The following PRKDC variants were observed in gnomAD, a reference collection of about 807,000 sequenced individuals.
PRKDC encodes the protein protein kinase, DNA-activated, catalytic subunit.
In PRKDC, 82 loss-of-function variants were observed where a neutral mutation model predicts 486.9. That is an observed-to-expected ratio of 0.17 (90% CI 0.14 to 0.20). The LOEUF (loss-of-function observed/expected upper bound fraction) is 0.20. Among genes scored for constraint, PRKDC ranks in the 10% least tolerant of loss-of-function variants. PRKDC has a pLI of 1.00. For missense variants in PRKDC, 4,504 were observed against 5,038.2 expected (o/e 0.89, Z 3.21); for synonymous variants, 1,895 against 1,837.0 (o/e 1.03, Z -0.81).
rs974259057 is a variant in PRKDC, at chr8:47,807,236, G to C, written c.9648C>G (p.Asp3216Glu). 1.2e-6 allele frequency: 2 copies of C among 1,613,588 alleles called. No individual in the cohort carries two copies. Among genetic ancestry groups the C allele is most frequent in the Non-Finnish European group, 1.7e-6 (2 of 1,179,798 alleles). ...CTTCCTGCTCTTGCACTTCCATCCT[G>C]TCACTGGGGTCTCCATCTTGATCCA... ...MNVDQDGDPS[D>E]RMEVQEQEED... is the part of the protein sequence containing the mutation. The change falls in exon 69 of 86, where the codon GAC (aspartate) becomes GAG (glutamate). Residue 3216 changes from aspartate (D) to glutamate (E), a missense_variant. Asp to Glu is a conservative substitution (Grantham distance 45). Around this residue, in one of 6 missense-constraint regions of PRKDC, gnomAD observed 1,592 missense variants for 1,724.6 expected, o/e 0.92. Transcript: ENST00000314191.
At chr8:47,896,618 G>A (rs537654027) in intron 30 of PRKDC, among the ~76,000 whole-genome samples, 1 of 148,220 alleles carries the variant, frequency 6.7e-6, no homozygotes, top group East Asian at 2.0e-4. Context: ...CTGCAGTCCA[G>A]CCTGGGCAAA....
intron 74 of PRKDC, among the ~76,000 whole-genome samples, chr8:47,792,837 C>T (rs906016256): frequency 2.6e-5 from 4 of 152,114 alleles, no homozygotes; most frequent in Non-Finnish European, 5.9e-5. Context: ...ACGTATATAA[C>T]GCGATATATA....
chr8:47,958,423 C>CA (rs2090747384), intron 1 of PRKDC, among the ~76,000 whole-genome samples: 1 of 152,178 alleles, frequency 6.6e-6, no homozygotes, highest in Non-Finnish European at 1.5e-5. Flanking sequence ...ATCCCCCTTA[C>CA]AGTGGGAACT....
chr8:47,781,595 TA>T (rs1019116248), intron 80 of PRKDC, among the ~76,000 whole-genome samples: 1 of 151,750 alleles, frequency 6.6e-6, no homozygotes, highest in Non-Finnish European at 1.5e-5. Flanking sequence ...AAAAAGGAAA[TA>T]AAAAAAACCT....
At chr8:47,943,179 ATT>A in intron 10 of PRKDC, 28 bp downstream of exon 10, 1 of 1,599,988 alleles carries the variant, frequency 6.3e-7, no homozygotes, top group Non-Finnish European at 8.5e-7. Flanking sequence ...TGAAAGAAAT[ATT>A]GTTAAATGAC....
intron 60 of PRKDC, 39 bp downstream of exon 60, chr8:47,831,775 A>C (rs1344308143): frequency 1.3e-6 from 2 of 1,593,992 alleles, no homozygotes. Flanking sequence ...TGTGACAGAA[A>C]CTGCATCGTT....
chr8:47,799,417 T>C (rs1301314464), intron 71 of PRKDC, 27 bp from the exon 72 acceptor site: 1 of 1,462,102 alleles, frequency 6.8e-7, no homozygotes, highest in Non-Finnish European at 9.0e-7. Flanking sequence ...CCTAAACCCA[T>C]GAGCATGACT....
intron 76 of PRKDC, among the ~76,000 whole-genome samples, chr8:47,787,704 T>A (rs1426348997): frequency 6.6e-6 from 1 of 152,190 alleles, no homozygotes; most frequent in Non-Finnish European, 1.5e-5. Flanking sequence ...CAGGGAAGTC[T>A]CAGGGCTTCC....
intron 76 of PRKDC, 135 bp downstream of exon 76, chr8:47,788,771 T>C: frequency 1.0e-6 from 1 of 977,606 alleles, no homozygotes; most frequent in Non-Finnish European, 1.4e-6. Flanking sequence ...ACCTAAAGCA[T>C]TCAACAGACA....
chr8:47,902,839 C>A (rs763342694), intron 26 of PRKDC, 44 bp from the exon 27 acceptor site: 3 of 1,442,942 alleles, frequency 2.1e-6, no homozygotes, highest in Non-Finnish European at 2.8e-6. Context: ...ATTTTTATAA[C>A]CACTGACAAC....
At chr8:47,827,814 A>G (rs1461770002) in intron 62 of PRKDC, among the ~76,000 whole-genome samples, 4 of 152,238 alleles carry the variant, frequency 2.6e-5, no homozygotes, top group Non-Finnish European at 5.9e-5. Context: ...GCGGGTACTC[A>G]GTCAACATCT....
intron 49 of PRKDC, among the ~76,000 whole-genome samples, chr8:47,856,770 A>C (rs148422580): frequency 6.6e-6 from 1 of 152,356 alleles, no homozygotes; most frequent in East Asian, 1.9e-4. Context: ...GGAGTAGAGA[A>C]GATGGCACAA....
chr8:47,897,838 AAAT>A (rs1370130228), intron 29 of PRKDC, among the ~76,000 whole-genome samples: 4 of 152,242 alleles, frequency 2.6e-5, no homozygotes, highest in African/African-American at 9.6e-5. Flanking sequence ...ACAACTGAGA[AAAT>A]ATTAATAATC....
rs1804610 is a variant in PRKDC, at chr8:47,773,880, G to A, written c.*293C>T. 1.4e-5 allele frequency: 4 copies of A among 282,772 alleles called. No individual in the cohort carries two copies. The South Asian group carries it at 5.4e-4, about 38-fold the overall frequency. The allele number at this position is 282,772 out of a possible 1,614,324, so 17.5% of individuals were successfully genotyped here. ...TCACTAACTTGCAGCACTTGTAAAT[G>A]CTTTGAAAGCTGATCACATATTATA... On this transcript the variant is annotated 3_prime_UTR_variant, in exon 86 of 86. Coordinates refer to ENST00000314191, the MANE Select transcript of PRKDC (RefSeq NM_006904.7).
chr8:47,851,586 T>C (rs184292758), intron 52 of PRKDC, among the ~76,000 whole-genome samples: 268 of 152,340 alleles, frequency 1.8e-3, no homozygotes, highest in Non-Finnish European at 3.0e-3. Flanking sequence ...ACAGTGACTA[T>C]GGCCTGGACT....
Position 47,778,555 on chromosome 8 carries a change from C to A in PRKDC, c.11757G>T (p.Gly3919=). Residue 3919 remains glycine, a synonymous_variant, in exon 83 of 86, where the codon GGG becomes GGT. Coordinates refer to ENST00000314191, the MANE Select transcript of PRKDC (RefSeq NM_006904.7). ...ALICISHWIL[G]IGDRHLNNFM... is the part of the protein sequence containing the mutation. ...AGTTGTTCAGATGTCTGTCTCCAATCCCGAGGATCCAGTGGCTGATGCATA... is the reference window on the plus strand; with the variant it reads ...AGTTGTTCAGATGTCTGTCTCCAATACCGAGGATCCAGTGGCTGATGCATA... 6.2e-7 allele frequency: 1 copy of A among 1,613,868 alleles called. No individual in the cohort carries two copies. The highest frequency in any genetic ancestry group is 8.5e-7 in the Non-Finnish European group (1 of 1,179,834).
chr8:47,943,475 T>C, intron 9 of PRKDC, 109 bp from the exon 10 acceptor site: 1 of 1,149,592 alleles, frequency 8.7e-7, no homozygotes, highest in South Asian at 1.7e-5. Flanking sequence ...CAGGAAGATC[T>C]AGTACCATTA....
intron 13 of PRKDC, 38 bp downstream of exon 13, chr8:47,935,694 C>A: frequency 6.3e-7 from 1 of 1,581,928 alleles, no homozygotes; most frequent in Non-Finnish European, 8.6e-7. Context: ...TGTTAATTAT[C>A]CATCATTACT....
chr8:47,834,455 C>A, intron 58 of PRKDC, 59 bp from the exon 59 acceptor site: 1 of 1,561,602 alleles, frequency 6.4e-7, no homozygotes, highest in South Asian at 1.1e-5. Context: ...GTGCACGGGG[C>A]AGGACCACCT....
Sources: gnomAD v4.1 joint callset for allele counts (sites outside exome capture counted in the v4.1 genomes callset) on GRCh38, gnomAD v4.1.1 for gene constraint, gnomAD v4.1.1 regional missense constraint, MANE v1.5 for transcripts, NCBI Gene and HGNC (gene_info 2026-07-23, HGNC 2026-07-21) for gene names.